ATG10: variants seen among roughly 807,000 people sequenced by gnomAD.
ATG10 encodes the protein autophagy related 10.
A neutral mutation model predicts 32.1 loss-of-function variants in ATG10; 30 were observed. The ratio of observed to expected loss-of-function variants is 0.94; its 90% CI spans 0.70 to 1.27. The LOEUF (loss-of-function observed/expected upper bound fraction) is 1.27. ATG10 is among the 50% of genes most tolerant of loss of function. ATG10 has a pLI of 0.00. For synonymous variants in ATG10, 87 were observed against 91.5 expected (o/e 0.95, Z 0.28); for missense variants, 233 against 262.3 (o/e 0.89, Z 0.77).
intron 5 of ATG10, among the ~76,000 whole-genome samples, chr5:82,231,333 A>T (rs1302391698): frequency 6.6e-6 from 1 of 152,222 alleles, no homozygotes; most frequent in African/African-American, 2.4e-5. Flanking sequence ...AAATCTTGAC[A>T]TTATTAAGTT....
At chr5:82,233,417 T>C (rs1049982765) in intron 5 of ATG10, among the ~76,000 whole-genome samples, 4 of 152,212 alleles carry the variant, frequency 2.6e-5, no homozygotes, top group African/African-American at 9.6e-5. Flanking sequence ...TGACTTCTGA[T>C]TATCCCAGGA....
intron 5 of ATG10, among the ~76,000 whole-genome samples, chr5:82,205,083 C>A (rs910550681): frequency 6.6e-6 from 1 of 152,154 alleles, no homozygotes; most frequent in African/African-American, 2.4e-5. Flanking sequence ...GATTCTTGAG[C>A]CCTGGAGGCA....
At chr5:82,173,300 G>C (rs1231011537) in intron 4 of ATG10, among the ~76,000 whole-genome samples, 2 of 152,208 alleles carry the variant, frequency 1.3e-5, no homozygotes, top group Admixed American at 6.5e-5. Context: ...ATTTAATTTA[G>C]AAAGCTGCAC....
chr5:82,046,535 G>A (rs948898987), intron 2 of ATG10, among the ~76,000 whole-genome samples: 3 of 152,226 alleles, frequency 2.0e-5, no homozygotes, highest in Admixed American at 2.0e-4. Flanking sequence ...AGCCTCCAGA[G>A]CTGTGAGAAA....
intron 5 of ATG10, among the ~76,000 whole-genome samples, chr5:82,210,580 A>G (rs1745456519): frequency 6.6e-6 from 1 of 152,100 alleles, no homozygotes; most frequent in Non-Finnish European, 1.5e-5. Context: ...TTGACCCACA[A>G]TTCCTCAGTG....
At chr5:82,176,354 A>G (rs1744022091) in intron 4 of ATG10, among the ~76,000 whole-genome samples, 1 of 152,222 alleles carries the variant, frequency 6.6e-6, no homozygotes, top group African/African-American at 2.4e-5. Flanking sequence ...TACTTTTGGC[A>G]GATACATATT....
chr5:82,129,023 A>C (rs1766397963), intron 3 of ATG10, among the ~76,000 whole-genome samples: 1 of 151,706 alleles, frequency 6.6e-6, no homozygotes, highest in Non-Finnish European at 1.5e-5. Flanking sequence ...GTCTTTTCAC[A>C]TAGTCCCATA....
chr5:82,003,699 G>C (rs980202651), intron 2 of ATG10, among the ~76,000 whole-genome samples: 1 of 152,194 alleles, frequency 6.6e-6, no homozygotes, highest in Admixed American at 6.5e-5. Flanking sequence ...AAGTTTATAG[G>C]ACATCAACTC....
intron 3 of ATG10, among the ~76,000 whole-genome samples, chr5:82,060,488 A>G (rs1037241725): frequency 5.3e-5 from 8 of 152,254 alleles, no homozygotes; most frequent in Admixed American, 4.6e-4. Flanking sequence ...ATAGTAATGG[A>G]TTGGTTAATT....
At chr5:82,076,051 A>G (rs775818966) in intron 3 of ATG10, among the ~76,000 whole-genome samples, 125 of 152,192 alleles carry the variant, frequency 8.2e-4, no homozygotes, top group Non-Finnish European at 1.6e-3. Context: ...TAAAGTTAGT[A>G]TTTCCACATA....
intron 3 of ATG10, among the ~76,000 whole-genome samples, chr5:82,131,641 C>T (rs1561315228): frequency 6.8e-6 from 1 of 146,444 alleles, no homozygotes; most frequent in African/African-American, 2.5e-5. Flanking sequence ...TTTTATTCTA[C>T]TTTTTTTTTT....
In ATG10 at chr5:82,212,731, T is replaced by A. The variant is rs185051465; in HGVS notation, c.453+34144T>A. ...ATTTGGTAAAATCTAGCAAAATTAT[T>A]AAATTGCATATGCCCTTTGACTGGG... On this transcript the variant is annotated intron_variant, in intron 5 of 7. Transcript: ENST00000282185. Among the ~76,000 whole-genome samples, 103 of 152,312 alleles carry A rather than the reference T, an allele frequency of 6.8e-4. 1 individual carries two copies. Among genetic ancestry groups the A allele is most frequent in the African/African-American group, 2.3e-3 (96 of 41,554 alleles).
intron 3 of ATG10, among the ~76,000 whole-genome samples, chr5:82,071,184 G>A (rs935201263): frequency 1.3e-5 from 2 of 152,136 alleles, no homozygotes; most frequent in Admixed American, 6.6e-5. Flanking sequence ...GAGGCATGGG[G>A]CTGAAAATGA....
At chr5:82,064,676 ATTATC>A (rs1370889368) in intron 3 of ATG10, among the ~76,000 whole-genome samples, 2 of 152,110 alleles carry the variant, frequency 1.3e-5, no homozygotes, top group Non-Finnish European at 2.9e-5. Flanking sequence ...TAGTTGCTTT[ATTATC>A]TTATTTAATC....
At chr5:82,053,314 C>T (rs574211381) in intron 2 of ATG10, among the ~76,000 whole-genome samples, 2 of 152,116 alleles carry the variant, frequency 1.3e-5, no homozygotes, top group South Asian at 2.1e-4. Flanking sequence ...TCTTATTGGG[C>T]TATTGGACCC....
intron 3 of ATG10, among the ~76,000 whole-genome samples, chr5:82,127,321 C>A (rs188577900): frequency 6.7e-4 from 102 of 152,150 alleles, no homozygotes; most frequent in Middle Eastern, 6.8e-3. Context: ...TTGTCTTCTG[C>A]TAACTTTTGA....
intron 3 of ATG10, among the ~76,000 whole-genome samples, chr5:82,086,847 A>C (rs968791206): frequency 1.3e-5 from 2 of 152,236 alleles, no homozygotes; most frequent in Admixed American, 6.5e-5. Context: ...ATTTCACTGG[A>C]TATTTCGTAA....
chr5:82,143,006 G>A (rs1767211893), intron 3 of ATG10, among the ~76,000 whole-genome samples: 1 of 152,130 alleles, frequency 6.6e-6, no homozygotes, highest in Non-Finnish European at 1.5e-5. Flanking sequence ...AGAGGTCTGG[G>A]CTAAAATTTA....
intron 5 of ATG10, among the ~76,000 whole-genome samples, chr5:82,223,494 G>A (rs1383696739): frequency 2.6e-5 from 4 of 152,058 alleles, no homozygotes; most frequent in Admixed American, 6.5e-5. Context: ...TTAGAGATAA[G>A]TTTCATCATC....
Sources: allele counts gnomAD v4.1 joint callset (sites outside exome capture counted in the v4.1 genomes callset), GRCh38; gene constraint gnomAD v4.1.1; transcripts MANE v1.5; gene names NCBI Gene and HGNC (gene_info 2026-07-23, HGNC 2026-07-21).